The following PPP1R11 variants were observed in gnomAD, a reference collection of about 807,000 sequenced individuals.
PPP1R11 encodes the protein E3 ubiquitin-protein ligase PPP1R11.
In PPP1R11, 10 loss-of-function variants were observed where a neutral mutation model predicts 11.3. The observed-to-expected ratio is 0.88, with a 90% CI of 0.55 to 1.50. The LOEUF is 1.50. Among genes scored for constraint, PPP1R11 ranks in the 40% most tolerant of loss-of-function variants. The pLI, the probability that PPP1R11 is intolerant of heterozygous loss-of-function variation, is 0.00. For missense variants in PPP1R11, 114 were observed against 179.1 expected, an observed-to-expected ratio of 0.64 and a Z score of 2.07; for synonymous variants, 56 against 62.3, an observed-to-expected ratio of 0.90 and a Z score of 0.48.
upstream of PPP1R11, among the ~76,000 whole-genome samples, chr6:30,062,714 C>CCTTTT (rs749507630): frequency 5.5e-3 from 232 of 42,398 alleles, 15 homozygotes; most frequent in African/African-American, 0.018. Context: ...CCACGCCTGG[C>CCTTTT]TTTTTTTTTT....
chr6:30,061,690 G>T, the PPP1R11 span: 3 of 1,612,200 alleles, frequency 1.9e-6, no homozygotes, highest in Non-Finnish European at 2.5e-6. This position sits in a 1 kb window ranked among gnomAD's most constrained non-coding sequence, Gnocchi z 5.0. Flanking sequence ...TGTACGCAGG[G>T]GTCCTGGCGG....
chr6:30,067,283 A>G lies in PPP1R11; in HGVS notation c.-128A>G, dbSNP rs757777626. 1.8e-5 allele frequency: 17 copies of G among 948,628 alleles called. No individual in the cohort carries two copies. Among genetic ancestry groups the G allele is most frequent in the Non-Finnish European group, 2.7e-5 (17 of 624,568 alleles). The allele number at this position is 948,628 out of a possible 1,614,324, so 58.8% of individuals were successfully genotyped here. ...AAGCGGAGGCCCAGGAGGAGGGGGA[A>G]TAAAGAAGGTGGAGGATCCTGGCTA... is the stretch of plus-strand genomic sequence containing the variant. On this transcript the variant is annotated 5_prime_UTR_variant, in exon 1 of 3. Coordinates refer to ENST00000376772, the MANE Select transcript of PPP1R11 (RefSeq NM_021959.3).
chr6:30,069,847 A>C lies in PPP1R11; in HGVS notation c.*541A>C. On this transcript the variant is annotated 3_prime_UTR_variant, in exon 3 of 3. Coordinates refer to ENST00000376772, the MANE Select transcript of PPP1R11 (RefSeq NM_021959.3). This position sits in a 1 kb window ranked among gnomAD's most constrained non-coding sequence, Gnocchi z 6.6. ...CCTTCTCCTCCTGCTAACCCTTCTC[A>C]CACCCTCAAGAGGAGTTAGAAAAGA... is the stretch of plus-strand genomic sequence containing the variant. The C allele has an allele frequency of 6.5e-6, 1 of 153,538 alleles. No individual in the cohort carries two copies. Among genetic ancestry groups the C allele is most frequent in the Non-Finnish European group, 1.5e-5 (1 of 68,846 alleles). The allele number at this position is 153,538 out of a possible 1,614,324, so 9.5% of individuals were successfully genotyped here.
At chr6:30,064,762 A>G, upstream of PPP1R11, 1 of 1,457,220 alleles carries the variant, frequency 6.9e-7, no homozygotes, top group South Asian at 1.2e-5. Flanking sequence ...CTGGGTTTTT[A>G]GATGCCTTGT....
chr6:30,066,207 A>G (rs1018656454), upstream of PPP1R11, among the ~76,000 whole-genome samples: 11 of 152,150 alleles, frequency 7.2e-5, no homozygotes, highest in African/African-American at 2.7e-4. Flanking sequence ...TTTCTTAGCA[A>G]AGCATACAGG....
At chr6:30,067,100 G>A, upstream of PPP1R11, 1 of 379,814 alleles carries the variant, frequency 2.6e-6, no homozygotes, top group Non-Finnish European at 4.8e-6. Flanking sequence ...TTCTTTCAGC[G>A]CCTGCGCGCT....
At chr6:30,065,936 A>T (rs1038368606), upstream of PPP1R11, among the ~76,000 whole-genome samples, 1 of 152,148 alleles carries the variant, frequency 6.6e-6, no homozygotes, top group African/African-American at 2.4e-5. This position sits in a 1 kb window ranked among gnomAD's most constrained non-coding sequence, Gnocchi z 5.3. Flanking sequence ...TGGCTCAAAT[A>T]GTGATCAAGG....
chr6:30,062,714 C>CCTTTTTTTTTTTTTTTTTTTTTTTTTT (rs749507630), upstream of PPP1R11, among the ~76,000 whole-genome samples: 5 of 42,378 alleles, frequency 1.2e-4, 1 homozygote, highest in African/African-American at 4.1e-4. Flanking sequence ...CCACGCCTGG[C>CCTTTTTTTTTTTTTTTTTTTTTTTTTT]TTTTTTTTTT....
Position 30,069,063 on chromosome 6 carries a change from C to T in PPP1R11, c.179-41C>T. 1 of 1,519,922 alleles carries T rather than the reference C, an allele frequency of 6.6e-7. No homozygotes were observed. Among genetic ancestry groups the T allele is most frequent in the Non-Finnish European group, 9.1e-7 (1 of 1,097,518 alleles). The allele number at this position is 1,519,922 out of a possible 1,614,324, so 94.2% of individuals were successfully genotyped here. On this transcript the variant is annotated intron_variant, in intron 2 of 2. Coordinates refer to ENST00000376772, the MANE Select transcript of PPP1R11 (RefSeq NM_021959.3). The surrounding 1 kb of genome is among the most constrained non-coding windows in gnomAD (Gnocchi z 6.6). ...GGAATGGAACTGACTATATATCTTA[C>T]CCTTCCTCCTCTTTAACTGGGCTCC...
the PPP1R11 span, chr6:30,061,505 C>T: frequency 6.2e-7 from 1 of 1,611,716 alleles, no homozygotes; most frequent in Non-Finnish European, 8.5e-7. This position sits in a 1 kb window ranked among gnomAD's most constrained non-coding sequence, Gnocchi z 5.0. Flanking sequence ...ACTTCCAACT[C>T]CCTCCTCAGA....
chr6:30,064,757 T>C (rs970135068), upstream of PPP1R11: 14 of 1,480,196 alleles, frequency 9.5e-6, no homozygotes, highest in East Asian at 4.7e-5. Context: ...GGATACTGGG[T>C]TTTTAGATGC....
chr6:30,062,437 T>G, upstream of PPP1R11: 2 of 754,302 alleles, frequency 2.7e-6, no homozygotes, highest in South Asian at 3.0e-5. Flanking sequence ...GTCCCATCCC[T>G]TATTTCTGTG....
rs377352277 is a variant in PPP1R11, at chr6:30,067,377, C to T, written c.-34C>T. On this transcript the variant is annotated 5_prime_UTR_variant, in exon 1 of 3. Transcript: ENST00000376772. ...AAAAAGGGAAGGGTGTCTCATCCCC[C>T]TTCCTCCTCTCCTCCCTGTCCTGAG... The T allele has an allele frequency of 9.4e-6, 15 of 1,601,846 alleles. No individual in the cohort carries two copies. In the African/African-American group the frequency reaches 9.4e-5, roughly 10 times the overall value.
upstream of PPP1R11, chr6:30,067,103 T>A (rs182849717): frequency 2.6e-6 from 1 of 391,014 alleles, no homozygotes; most frequent in Non-Finnish European, 4.6e-6. Context: ...TTTCAGCGCC[T>A]GCGCGCTGTC....
At chr6:30,068,532 G>T in intron 1 of PPP1R11, 58 bp from the exon 2 acceptor site, 1 of 1,394,784 alleles carries the variant, frequency 7.2e-7, no homozygotes. Context: ...CCCTGGGAGG[G>T]AGTGGGAAAG....
Position 30,069,127 on chromosome 6 carries a change from C to G in PPP1R11, c.202C>G (p.Arg68Gly). 1 of 1,611,256 alleles carries G rather than the reference C, an allele frequency of 6.2e-7. No homozygotes were observed. The highest frequency in any genetic ancestry group is 8.5e-7 in the Non-Finnish European group (1 of 1,178,614). The stretch of plus-strand genomic sequence containing the variant: ...AGGCTGCTGTATTTATGAGAAACCT[C>G]GGGCCTTTGGCGAGAGCTCCACGGA... ...SKCCCIYEKP[R>G]AFGESSTESD... Residue 68 changes from arginine to glycine, a missense_variant, in exon 3 of 3, where the codon CGG becomes GGG. Transcript: ENST00000376772. This position sits in a 1 kb window ranked among gnomAD's most constrained non-coding sequence, Gnocchi z 6.6.
upstream of PPP1R11, chr6:30,064,646 T>G (rs773008539): frequency 6.2e-7 from 1 of 1,600,972 alleles, no homozygotes; most frequent in Non-Finnish European, 8.5e-7. Flanking sequence ...TTTTGGTGAA[T>G]ATAACAAGTC....
chr6:30,062,211 A>G (rs894884605), upstream of PPP1R11: 2 of 1,607,094 alleles, frequency 1.2e-6, no homozygotes, highest in Non-Finnish European at 1.7e-6. Context: ...CTAACCCACC[A>G]GTTTCTTCCC....
At chr6:30,067,564 G>T (rs9261281) in intron 1 of PPP1R11, 85 bp downstream of exon 1, 75,870 of 1,497,390 alleles carry the variant, frequency 0.051, 4,026 homozygotes, top group African/African-American at 0.22. Flanking sequence ...GTTGTTGGAG[G>T]AGCTAGGCCT....
Sources: gnomAD v4.1 joint callset for allele counts (sites outside exome capture counted in the v4.1 genomes callset) on GRCh38, gnomAD v4.1.1 for gene constraint, Gnocchi (gnomAD v3.1) non-coding constraint, MANE v1.5 for transcripts, NCBI Gene and HGNC (gene_info 2026-07-23, HGNC 2026-07-21) for gene names.